The following ANKRD40 variants were observed in gnomAD, a reference collection of about 807,000 sequenced individuals.
ANKRD40 encodes ankyrin repeat domain 40.
ANKRD40 carries 24 observed loss-of-function variants against 35.5 expected under a neutral mutation model. The ratio of observed to expected loss-of-function variants is 0.68; its 90% CI spans 0.49 to 0.95. The LOEUF (loss-of-function observed/expected upper bound fraction) is 0.95, where lower values mean the gene tolerates loss of function less well. Ranked by LOEUF, ANKRD40 falls within the 40% of genes least tolerant of loss-of-function variation. The pLI, the probability that ANKRD40 is intolerant of heterozygous loss-of-function variation, is 0.00. For synonymous variants in ANKRD40, 147 were observed against 173.5 expected, an observed-to-expected ratio of 0.85 and a Z score of 1.20; for missense variants, 361 against 436.0, an observed-to-expected ratio of 0.83 and a Z score of 1.53.
Position 50,696,150 on chromosome 17 carries a change from CA to C in ANKRD40, c.961-8del. 1 of 1,612,116 alleles carries C rather than the reference CA, an allele frequency of 6.2e-7. No homozygotes were observed. Among genetic ancestry groups the C allele is most frequent in the Non-Finnish European group, 8.5e-7 (1 of 1,179,284 alleles). On this transcript the variant is annotated splice_polypyrimidine_tract_variant and splice_region_variant and intron_variant, in intron 4 of 4. Transcript: ENST00000285243. ...GTCGAGCAACATCCTTGTCCTAAAA[CA>C]AAAATATGTTAAACAGATTAACAGG...
At chr17:50,697,198 G>C (rs1042527972) in intron 3 of ANKRD40, 77 bp from the exon 4 acceptor site, 28 of 1,360,576 alleles carry the variant, frequency 2.1e-5, no homozygotes, top group Admixed American at 4.4e-5. Flanking sequence ...TTTTCCAGAA[G>C]ATGGTTATAC....
Position 50,707,404 on chromosome 17 carries a change from C to G in ANKRD40, c.134+117G>C, listed in dbSNP as rs1238558562. 5 of 1,445,278 alleles carry G rather than the reference C, an allele frequency of 3.5e-6. No individual in the cohort carries two copies. The highest frequency in any genetic ancestry group is 2.8e-6 in the Non-Finnish European group (3 of 1,077,472). The allele number at this position is 1,445,278 out of a possible 1,614,324, so 89.5% of individuals were successfully genotyped here. A position where few individuals can be genotyped will look rare whatever the true frequency, so the allele number is the denominator to read the frequency against. Reference sequence around the variant, plus strand: ...TCAAGAGAGCACAATCTCGGAGGCCCGAGGTGGCAGGCCTCGCCGTAGCCA... The same window carrying G: ...TCAAGAGAGCACAATCTCGGAGGCCGGAGGTGGCAGGCCTCGCCGTAGCCA... On this transcript the variant is annotated intron_variant, in intron 1 of 4. Transcript: ENST00000285243. This position sits in a 1 kb window ranked among gnomAD's most constrained non-coding sequence, Gnocchi z 4.8.
intron 3 of ANKRD40, 143 bp from the exon 4 acceptor site, chr17:50,697,264 A>G (rs1968211003): frequency 1.2e-6 from 1 of 811,030 alleles, no homozygotes; most frequent in Admixed American, 3.2e-5. Flanking sequence ...GGGAAAACCA[A>G]GTGCAGCCAG....
rs1968244596 is a variant in ANKRD40 at position 50,699,696 on chromosome 17, G to A, written c.481C>T (p.Pro161Ser). The A allele has an allele frequency of 6.2e-7, 1 of 1,614,120 alleles. No homozygotes were observed. The highest frequency in any genetic ancestry group is 8.5e-7 in the Non-Finnish European group (1 of 1,179,952). Residue 161 changes from proline to serine, a missense_variant, in exon 3 of 5, where the codon CCT (proline) becomes TCT (serine). Around this residue, in one of 5 missense-constraint regions of ANKRD40, gnomAD observed 172 missense variants for 174.0 expected, o/e 0.99. Transcript: ENST00000285243. Reference sequence around the variant, plus strand: ...GGTTCCCCAGGGGGAAGCAATGGAGGTGAGCCATCTGCAGGGGGTGATGCA... The same window carrying A: ...GGTTCCCCAGGGGGAAGCAATGGAGATGAGCCATCTGCAGGGGGTGATGCA... ...PPASPPADGS[P>S]PLLPPGEPPL...
intron 1 of ANKRD40, among the ~76,000 whole-genome samples, chr17:50,705,117 T>C (rs1968316705): frequency 1.6e-5 from 1 of 63,028 alleles, no homozygotes; most frequent in African/African-American, 5.6e-5. Context: ...CGAGACTCTG[T>C]CTCAAAAAAA....
intron 1 of ANKRD40, among the ~76,000 whole-genome samples, chr17:50,702,889 C>T (rs1968287448): frequency 6.6e-6 from 1 of 152,178 alleles, no homozygotes; most frequent in South Asian, 2.1e-4. Flanking sequence ...CTTCATGAAC[C>T]AAGGGTTATG....
intron 3 of ANKRD40, among the ~76,000 whole-genome samples, chr17:50,698,626 G>A (rs920578888): frequency 6.6e-6 from 1 of 152,152 alleles, no homozygotes; most frequent in Non-Finnish European, 1.5e-5. Flanking sequence ...ATCCTGGGCA[G>A]GATGCAGGGG....
chr17:50,706,648 T>A (rs981852428), intron 1 of ANKRD40, among the ~76,000 whole-genome samples: 1 of 148,716 alleles, frequency 6.7e-6, no homozygotes, highest in South Asian at 2.1e-4. Flanking sequence ...ACATCTGTAA[T>A]CCCAGCACTT....
intron 1 of ANKRD40, among the ~76,000 whole-genome samples, chr17:50,706,120 A>T (rs1213412600): frequency 1.4e-5 from 2 of 143,458 alleles, no homozygotes; most frequent in African/African-American, 5.3e-5. Context: ...CAAAATGTAA[A>T]CTCACTTTTT....
In ANKRD40 at chr17:50,694,487, G is replaced by GA. The variant is rs1231362744; in HGVS notation, c.*1509dup. On this transcript the variant is annotated 3_prime_UTR_variant, in exon 5 of 5. Transcript: ENST00000285243. ...CTTTGGAAACTATAGGCACTATGGGGAAAAAGCTTCTTAAGACAGCAGGGA... is the reference window on the plus strand; with the variant it reads ...CTTTGGAAACTATAGGCACTATGGGGAAAAAAGCTTCTTAAGACAGCAGGGA... 6.6e-6 allele frequency: 1 copy of GA among 152,210 alleles called. No homozygotes were observed. The highest frequency in any genetic ancestry group is 1.5e-5 in the Non-Finnish European group (1 of 68,036). 9.4% of individuals were successfully genotyped at this position (152,210 alleles called of 1,614,324 possible).
At chr17:50,700,434 A>T (rs1167370513) in intron 2 of ANKRD40, 134 bp downstream of exon 2, 10 of 1,033,954 alleles carry the variant, frequency 9.7e-6, no homozygotes, top group Non-Finnish European at 1.1e-5. Flanking sequence ...CAAGAGCTAA[A>T]CTCCGTCTCG....
At chr17:50,704,515 CAAAAAAAAAAAAA>C (rs892783050) in intron 1 of ANKRD40, among the ~76,000 whole-genome samples, 1 of 40,200 alleles carries the variant, frequency 2.5e-5, no homozygotes, top group African/African-American at 8.8e-5. Flanking sequence ...AACTCCATCT[CAAAAAAAAAAAAA>C]AAAAAAAAAA....
At chr17:50,702,788 T>TG (rs1339584132) in intron 1 of ANKRD40, among the ~76,000 whole-genome samples, 1 of 152,168 alleles carries the variant, frequency 6.6e-6, no homozygotes, top group Non-Finnish European at 1.5e-5. Flanking sequence ...CACAGCCCTG[T>TG]GCCTTAGTGA....
chr17:50,697,989 T>C (rs943931546), intron 3 of ANKRD40, among the ~76,000 whole-genome samples: 1 of 152,202 alleles, frequency 6.6e-6, no homozygotes, highest in Non-Finnish European at 1.5e-5. Flanking sequence ...AAGTTATACA[T>C]AGAGAAATAT....
intron 4 of ANKRD40, chr17:50,696,693 T>C (rs1042855996): frequency 3.0e-6 from 1 of 338,686 alleles, no homozygotes; most frequent in Non-Finnish European, 5.2e-6. Context: ...AGACTGTAAC[T>C]GGCCAAACAC....
In ANKRD40 at chr17:50,693,680, G is replaced by C. The variant is rs966658911; in HGVS notation, c.*2317C>G. 1 of 152,228 alleles carries C rather than the reference G, an allele frequency of 6.6e-6. No individual in the cohort carries two copies. Among genetic ancestry groups the C allele is most frequent in the African/African-American group, 2.4e-5 (1 of 41,444 alleles). The allele number at this position is 152,228 out of a possible 1,614,324, so 9.4% of individuals were successfully genotyped here. The stretch of plus-strand genomic sequence containing the variant: ...CTTTAATTAATCTGGGTGGCTGAAA[G>C]TGTTTTAACCCAAGTAACTTAAGAC... On this transcript the variant is annotated 3_prime_UTR_variant, in exon 5 of 5. Transcript: ENST00000285243.
intron 3 of ANKRD40, 94 bp from the exon 4 acceptor site, chr17:50,697,215 A>G: frequency 8.2e-7 from 1 of 1,222,436 alleles, no homozygotes; most frequent in East Asian, 2.5e-5. Context: ...ATACTTAATC[A>G]TGCCAAAGGT....
rs370350874 is a variant in ANKRD40 at position 50,700,558 on chromosome 17, A to T, written c.283+10T>A. ...GAGGAAATCAAAAGTTCCCCCAAAC[A>T]CAGACTCACCTCCCATAATCTTCCT... On this transcript the variant is annotated intron_variant, in intron 2 of 4. Coordinates refer to ENST00000285243, the MANE Select transcript of ANKRD40 (RefSeq NM_052855.4). The T allele has an allele frequency of 6.2e-7, 1 of 1,613,694 alleles. No individual in the cohort carries two copies. The highest frequency in any genetic ancestry group is 1.3e-5 in the African/African-American group (1 of 75,008).
chr17:50,696,539 G>C (rs1425650084), intron 4 of ANKRD40: 1 of 224,470 alleles, frequency 4.5e-6, no homozygotes, highest in Admixed American at 5.2e-5. Flanking sequence ...ATCTAGTAGT[G>C]CACTAAGTTA....
Sources: gnomAD v4.1 joint callset for allele counts (sites outside exome capture counted in the v4.1 genomes callset) on GRCh38, gnomAD v4.1.1 for gene constraint, gnomAD v4.1.1 regional missense constraint, Gnocchi (gnomAD v3.1) non-coding constraint, MANE v1.5 for transcripts, NCBI Gene and HGNC (gene_info 2026-07-23, HGNC 2026-07-21) for gene names.